Variants in BMPR1B observed in about 807,000 individuals in gnomAD.
BMPR1B encodes bone morphogenetic protein receptor type 1B.
In BMPR1B, 12 loss-of-function variants were observed where a neutral mutation model predicts 59.1. That is an observed-to-expected ratio of 0.20 (90% CI 0.13 to 0.33). BMPR1B has a LOEUF of 0.33. Ranked by LOEUF, BMPR1B falls within the 10% of genes least tolerant of loss-of-function variation. The pLI, the probability that BMPR1B is intolerant of heterozygous loss-of-function variation, is 1.00. For missense variants in BMPR1B, 550 were observed against 610.9 expected (o/e 0.90, Z 1.05); for synonymous variants, 237 against 207.3 (o/e 1.14, Z -1.23).
intron 1 of BMPR1B, among the ~76,000 whole-genome samples, chr4:94,822,761 C>T (rs1392043946): frequency 6.6e-6 from 1 of 152,144 alleles, no homozygotes; most frequent in Non-Finnish European, 1.5e-5. Flanking sequence ...TGCACTCTGA[C>T]TTAGGCATCT....
chr4:95,095,550 C>A (rs1271458966), intron 3 of BMPR1B, among the ~76,000 whole-genome samples: 1 of 151,934 alleles, frequency 6.6e-6, no homozygotes, highest in Non-Finnish European at 1.5e-5. Flanking sequence ...CCCTGCCTGC[C>A]CTCTGGTGTA....
At chr4:94,772,617 G>T in intron 1 of BMPR1B, among the ~76,000 whole-genome samples, 1 of 152,204 alleles carries the variant, frequency 6.6e-6, no homozygotes, top group East Asian at 1.9e-4. Flanking sequence ...TTGCAAAAAT[G>T]TAATAAGATA....
rs67140382 is a variant in BMPR1B, at chr4:94,937,707, A to AACACACACACACAC, written c.-112-58322_-112-58321insCACACACACACACA. On this transcript the variant is annotated intron_variant, in intron 2 of 12. Transcript: ENST00000515059. ...TTTTTAAATTTTATGTATATGTATA[A>AACACACACACACAC]ACACACACACAGACACACACACACA... Among the ~76,000 whole-genome samples, 43 of 151,196 alleles carry AACACACACACACAC rather than the reference A, an allele frequency of 2.8e-4. No homozygotes were observed. In the East Asian group the frequency reaches 7.8e-3, roughly 27 times the overall value.
chr4:94,840,553 A>T (rs1440147131), intron 1 of BMPR1B, among the ~76,000 whole-genome samples: 3 of 146,156 alleles, frequency 2.1e-5, no homozygotes, highest in Non-Finnish European at 3.0e-5. Flanking sequence ...AGTTGATCGC[A>T]TCGGCTCCTG....
chr4:94,992,512 CTTTATT>C (rs1721815640), intron 2 of BMPR1B, among the ~76,000 whole-genome samples: 1 of 152,076 alleles, frequency 6.6e-6, no homozygotes, highest in South Asian at 2.1e-4. Context: ...GCCTCATTTT[CTTTATT>C]TAAAAAAAGG....
chr4:94,953,146 A>C (rs545997406), intron 2 of BMPR1B, among the ~76,000 whole-genome samples: 108 of 151,892 alleles, frequency 7.1e-4, no homozygotes, highest in Non-Finnish European at 8.2e-4. Context: ...TTTTGAGCCT[A>C]TGTGTGTCTC....
At chr4:94,862,550 T>A (rs1726027398) in intron 1 of BMPR1B, among the ~76,000 whole-genome samples, 1 of 151,058 alleles carries the variant, frequency 6.6e-6, no homozygotes, top group South Asian at 2.1e-4. Flanking sequence ...ATGCCTGTAA[T>A]CCTAGCACTT....
At chr4:94,931,345 T>C (rs1022703824) in intron 2 of BMPR1B, among the ~76,000 whole-genome samples, 9 of 152,166 alleles carry the variant, frequency 5.9e-5, no homozygotes, top group Admixed American at 5.9e-4. Flanking sequence ...TTACAAATGT[T>C]ATACACGTCG....
At chr4:94,853,080 A>G (rs1263164312) in intron 1 of BMPR1B, among the ~76,000 whole-genome samples, 1 of 152,176 alleles carries the variant, frequency 6.6e-6, no homozygotes. Context: ...GGGACCTGCA[A>G]ACCCAGATTG....
chr4:94,767,571 C>T (rs983246204), intron 1 of BMPR1B, among the ~76,000 whole-genome samples: 1 of 152,114 alleles, frequency 6.6e-6, no homozygotes, highest in Non-Finnish European at 1.5e-5. Context: ...AAATACTTAT[C>T]GTTAACATCT....
chr4:94,821,992 C>A (rs1021654137), intron 1 of BMPR1B, among the ~76,000 whole-genome samples: 1 of 152,174 alleles, frequency 6.6e-6, no homozygotes, highest in African/African-American at 2.4e-5. Context: ...TAGTCTTAGT[C>A]TGTTTTGCTC....
At chr4:94,894,285 A>G (rs766067460) in intron 2 of BMPR1B, among the ~76,000 whole-genome samples, 2 of 152,056 alleles carry the variant, frequency 1.3e-5, no homozygotes, top group Non-Finnish European at 2.9e-5. Context: ...GACCTTGGCA[A>G]CATTTCAGGG....
intron 3 of BMPR1B, among the ~76,000 whole-genome samples, chr4:95,066,825 A>C (rs1041072326): frequency 2.0e-5 from 3 of 152,220 alleles, no homozygotes; most frequent in Non-Finnish European, 1.5e-5. Context: ...TTTGTTATGC[A>C]TTAAACTTTG....
intron 2 of BMPR1B, among the ~76,000 whole-genome samples, chr4:94,990,696 TG>T (rs1721679599): frequency 1.3e-5 from 2 of 151,900 alleles, no homozygotes; most frequent in African/African-American, 4.8e-5. Context: ...TTGTTGTTGT[TG>T]TTGTTGTTTT....
intron 3 of BMPR1B, among the ~76,000 whole-genome samples, chr4:95,018,033 C>T (rs182223017): frequency 3.9e-5 from 6 of 151,988 alleles, no homozygotes; most frequent in East Asian, 1.9e-4. Flanking sequence ...GGCTGAGAAG[C>T]GATAATACTA....
chr4:95,003,881 C>G (rs2149112991), intron 3 of BMPR1B, among the ~76,000 whole-genome samples: 1 of 140,040 alleles, frequency 7.1e-6, no homozygotes, highest in Non-Finnish European at 1.5e-5. Flanking sequence ...AATCTCAGCT[C>G]AATACAACCT....
At chr4:94,817,752 C>T (rs548471214) in intron 1 of BMPR1B, among the ~76,000 whole-genome samples, 2 of 152,212 alleles carry the variant, frequency 1.3e-5, no homozygotes, top group East Asian at 1.9e-4. Context: ...GTGGGAAGGG[C>T]GATGGTTTCC....
intron 3 of BMPR1B, among the ~76,000 whole-genome samples, chr4:95,095,017 TATTA>T (rs994607078): frequency 2.0e-4 from 30 of 151,868 alleles, no homozygotes; most frequent in African/African-American, 5.1e-4. Flanking sequence ...CCCAACTTTT[TATTA>T]ATTATTTAGT....
intron 2 of BMPR1B, among the ~76,000 whole-genome samples, chr4:94,966,599 T>A (rs1450096556): frequency 6.6e-5 from 10 of 152,212 alleles, no homozygotes. Context: ...CATTATGAAG[T>A]GGACGTTCTT....
Sources: allele counts gnomAD v4.1 joint callset (sites outside exome capture counted in the v4.1 genomes callset), GRCh38; gene constraint gnomAD v4.1.1; transcripts MANE v1.5; gene names NCBI Gene and HGNC (gene_info 2026-07-23, HGNC 2026-07-21).